The following DNAH9 variants were observed in gnomAD, a reference collection of about 807,000 sequenced individuals.
DNAH9 encodes the protein DNAH9 variant protein.
In DNAH9, 345 loss-of-function variants were observed where a neutral mutation model predicts 471.6. The ratio of observed to expected loss-of-function variants is 0.73; its 90% CI spans 0.67 to 0.80. The LOEUF is 0.80. Among genes scored for constraint, DNAH9 ranks in the 30% least tolerant of loss-of-function variants. The pLI, the probability that DNAH9 is intolerant of heterozygous loss-of-function variation, is 0.00. For missense variants in DNAH9, 5,407 were observed against 5,609.2 expected, an observed-to-expected ratio of 0.96 and a Z score of 1.15; for synonymous variants, 2,093 against 2,123.6, an observed-to-expected ratio of 0.99 and a Z score of 0.40.
chr17:11,828,496 G>A (rs1040036419), intron 48 of DNAH9, among the ~76,000 whole-genome samples: 8 of 148,170 alleles, frequency 5.4e-5, no homozygotes, highest in African/African-American at 1.5e-4. Context: ...AATAGTGCCC[G>A]AACAGAGTGG....
chr17:11,893,848 T>C, intron 58 of DNAH9, among the ~76,000 whole-genome samples: 1 of 152,214 alleles, frequency 6.6e-6, no homozygotes, highest in East Asian at 1.9e-4. Context: ...CTGCACGTTC[T>C]GCACATGTAT....
intron 46 of DNAH9, 137 bp downstream of exon 46, chr17:11,822,199 G>A: frequency 5.3e-6 from 6 of 1,123,042 alleles, no homozygotes; most frequent in Non-Finnish European, 6.2e-6. Context: ...CTCAGCCTGA[G>A]CACAGTTGCC....
chr17:11,636,121 T>C (rs1220168074), intron 8 of DNAH9, among the ~76,000 whole-genome samples: 1 of 152,130 alleles, frequency 6.6e-6, no homozygotes, highest in Non-Finnish European at 1.5e-5. Context: ...ATTCCCTGCC[T>C]CAGCCTCCTG....
intron 43 of DNAH9, among the ~76,000 whole-genome samples, chr17:11,802,793 C>T (rs955594586): frequency 6.6e-6 from 1 of 152,148 alleles, no homozygotes; most frequent in Non-Finnish European, 1.5e-5. Flanking sequence ...TCTCACCACT[C>T]GAGCTCGCAT....
At chr17:11,948,597 G>A (rs1391734412) in intron 67 of DNAH9, among the ~76,000 whole-genome samples, 2 of 152,132 alleles carry the variant, frequency 1.3e-5, no homozygotes, top group East Asian at 1.9e-4. Context: ...AGGGTGGGCC[G>A]TGCTATGGCC....
intron 54 of DNAH9, 114 bp from the exon 55 acceptor site, chr17:11,881,095 A>G (rs1567872070): frequency 3.1e-6 from 3 of 954,338 alleles, no homozygotes; most frequent in Non-Finnish European, 5.0e-6. Context: ...CATCCTAGAC[A>G]TAGGAGGAAT....
chr17:11,926,524 C>T (rs151295532), intron 62 of DNAH9, among the ~76,000 whole-genome samples: 88 of 152,234 alleles, frequency 5.8e-4, no homozygotes, highest in Middle Eastern at 3.4e-3. Context: ...TTTCTGTTCC[C>T]GCTTTAGTTT....
intron 4 of DNAH9, chr17:11,612,896 A>G (rs2072667508): frequency 6.6e-6 from 1 of 152,208 alleles, no homozygotes; most frequent in Non-Finnish European, 1.5e-5. Context: ...ACTACATAAA[A>G]CGAATCCAGG....
intron 45 of DNAH9, among the ~76,000 whole-genome samples, chr17:11,817,129 C>G (rs1396465477): frequency 6.6e-6 from 1 of 152,150 alleles, no homozygotes; most frequent in African/African-American, 2.4e-5. Flanking sequence ...ATTTAAATAG[C>G]CTCTGCCCCT....
chr17:11,868,337 A>G (rs1972135250), intron 50 of DNAH9, among the ~76,000 whole-genome samples: 1 of 152,112 alleles, frequency 6.6e-6, no homozygotes, highest in Admixed American at 6.5e-5. Context: ...AAGCAGCCTG[A>G]ACCCCAGTTA....
chr17:11,675,390 T>C (rs1447404882), intron 17 of DNAH9, among the ~76,000 whole-genome samples: 3 of 152,172 alleles, frequency 2.0e-5, no homozygotes, highest in African/African-American at 4.8e-5. Flanking sequence ...TTTATGATAG[T>C]TTTATTTCTT....
At chr17:11,811,619 A>C (rs909105571) in intron 45 of DNAH9, among the ~76,000 whole-genome samples, 6 of 152,094 alleles carry the variant, frequency 3.9e-5, no homozygotes, top group Non-Finnish European at 5.9e-5. Context: ...TCAGCTGTCC[A>C]TCACCCCAGA....
chr17:11,659,196 T>C (rs1426374382), intron 14 of DNAH9, among the ~76,000 whole-genome samples: 1 of 152,260 alleles, frequency 6.6e-6, no homozygotes, highest in African/African-American at 2.4e-5. Flanking sequence ...CTAACACCTT[T>C]ATTAGTTTTT....
intron 39 of DNAH9, among the ~76,000 whole-genome samples, chr17:11,781,937 A>G (rs1034150992): frequency 6.6e-6 from 1 of 151,666 alleles, no homozygotes; most frequent in Admixed American, 6.6e-5. Context: ...AGAGGGCTGG[A>G]TAGTATCTCT....
intron 60 of DNAH9, among the ~76,000 whole-genome samples, chr17:11,905,110 T>C (rs1426558995): frequency 6.6e-6 from 1 of 151,760 alleles, no homozygotes; most frequent in Non-Finnish European, 1.5e-5. Context: ...GGCAGGCGCC[T>C]GTAGTCCCAG....
At chr17:11,829,791 A>G (rs1379848173) in intron 48 of DNAH9, among the ~76,000 whole-genome samples, 1 of 152,222 alleles carries the variant, frequency 6.6e-6, no homozygotes, top group African/African-American at 2.4e-5. Context: ...TAAACTTTAG[A>G]CTTATAATTT....
chr17:11,833,612 G>A (rs571227480), intron 48 of DNAH9, among the ~76,000 whole-genome samples: 2 of 152,242 alleles, frequency 1.3e-5, no homozygotes, highest in African/African-American at 4.8e-5. Context: ...TGTTAATCAA[G>A]TCCTGGCCAT....
rs1412277584 is a variant in DNAH9, at chr17:11,937,344, AT to A, written c.12490-4del. On this transcript the variant is annotated splice_polypyrimidine_tract_variant and splice_region_variant and intron_variant, in intron 65 of 68. Coordinates refer to ENST00000262442, the MANE Select transcript of DNAH9 (RefSeq NM_001372.4). This position sits in a 1 kb window ranked among gnomAD's most constrained non-coding sequence, Gnocchi z 4.1. Reference sequence around the variant, plus strand: ...TTCTTTTTAAGTGAGCTTGCCCTTGATTTTCAGTACATCGATGCTGAGCTGC... The same window carrying A: ...TTCTTTTTAAGTGAGCTTGCCCTTGATTTCAGTACATCGATGCTGAGCTGC... 6.3e-7 allele frequency: 1 copy of A among 1,597,036 alleles called. No individual in the cohort carries two copies. Among genetic ancestry groups the A allele is most frequent in the Non-Finnish European group, 8.5e-7 (1 of 1,170,678 alleles).
chr17:11,881,766 A>G (rs1972731080), intron 55 of DNAH9, among the ~76,000 whole-genome samples: 1 of 151,948 alleles, frequency 6.6e-6, no homozygotes, highest in Non-Finnish European at 1.5e-5. Flanking sequence ...ATTAAAATTA[A>G]CTGGGCATGG....
Sources: gnomAD v4.1 joint callset for allele counts (sites outside exome capture counted in the v4.1 genomes callset) on GRCh38, gnomAD v4.1.1 for gene constraint, Gnocchi (gnomAD v3.1) non-coding constraint, MANE v1.5 for transcripts, NCBI Gene and HGNC (gene_info 2026-07-23, HGNC 2026-07-21) for gene names.